Variants in CENPM observed in about 807,000 individuals in gnomAD.
CENPM encodes the protein centromere protein M, also known as interphase centromere complex protein 39.
Under a neutral mutation model 19.6 loss-of-function variants are expected in CENPM, and 14 were observed. The ratio of observed to expected loss-of-function variants is 0.71; its 90% CI spans 0.47 to 1.11. The LOEUF is 1.11. CENPM is among the 50% of genes most tolerant of loss of function. CENPM has a pLI of 0.00. For missense variants in CENPM, 239 were observed against 228.4 expected (o/e 1.05, Z -0.30); for synonymous variants, 114 against 101.5 (o/e 1.12, Z -0.74).
At chr22:41,940,337 C>T in intron 5 of CENPM, 1 of 582,896 alleles carries the variant, frequency 1.7e-6, no homozygotes, top group Admixed American at 2.9e-5. Flanking sequence ...CTCCACTTTC[C>T]AGCACGTCAT....
the CENPM span, among the ~76,000 whole-genome samples, chr22:41,930,611 C>G: frequency 6.6e-6 from 1 of 151,446 alleles, no homozygotes. Context: ...ACCCAACTCC[C>G]AGGTTCAAGC....
chr22:41,931,056 G>A, the CENPM span, among the ~76,000 whole-genome samples: 1 of 147,784 alleles, frequency 6.8e-6, no homozygotes, highest in African/African-American at 2.5e-5. Context: ...GGCTGGTCTC[G>A]AACTCCTGGT....
At chr22:41,935,079 T>C (rs2077678193), downstream of CENPM, among the ~76,000 whole-genome samples, 1 of 152,194 alleles carries the variant, frequency 6.6e-6, no homozygotes, top group South Asian at 2.1e-4. Flanking sequence ...CCCCCAACTC[T>C]AGAGGGGAGG....
At chr22:41,936,057 G>A (rs1377353177), downstream of CENPM, among the ~76,000 whole-genome samples, 2 of 152,020 alleles carry the variant, frequency 1.3e-5, no homozygotes, top group Admixed American at 6.6e-5. Flanking sequence ...TTTAGTAAAG[G>A]CGGGGTTTCA....
At chr22:41,945,519 T>C in intron 3 of CENPM, 2 of 923,514 alleles carry the variant, frequency 2.2e-6, no homozygotes, top group Non-Finnish European at 3.1e-6. Context: ...AGCGCGATCT[T>C]GGCTCACTGC....
intron 4 of CENPM, chr22:41,944,506 AC>A (rs2077777400): frequency 3.9e-6 from 1 of 256,084 alleles, no homozygotes; most frequent in Non-Finnish European, 6.1e-6. Flanking sequence ...TGGCTCTACC[AC>A]TTTTCATCTA....
chr22:41,939,797 A>G (rs2077711524), intron 5 of CENPM, among the ~76,000 whole-genome samples: 1 of 38,856 alleles, frequency 2.6e-5, no homozygotes, highest in East Asian at 6.3e-4. Context: ...AAAAAGAAAG[A>G]AAAAGAAAGA....
At chr22:41,944,162 G>A (rs1165405967) in intron 4 of CENPM, 6 of 985,170 alleles carry the variant, frequency 6.1e-6, no homozygotes, top group Admixed American at 6.2e-5. Flanking sequence ...AAAAGAGGAC[G>A]GCCGGGTGCG....
chr22:41,943,801 C>T (rs1467418416), intron 4 of CENPM, 100 bp from the exon 5 acceptor site: 6 of 1,012,778 alleles, frequency 5.9e-6, no homozygotes, highest in Non-Finnish European at 8.7e-6. Flanking sequence ...CTCTGGGGCT[C>T]AGTTTCTTTC....
chr22:41,928,982 G>A, the CENPM span, among the ~76,000 whole-genome samples: 2 of 152,086 alleles, frequency 1.3e-5, no homozygotes, highest in Non-Finnish European at 2.9e-5. The surrounding 1 kb of genome is among the most constrained non-coding windows in gnomAD (Gnocchi z 4.0). Flanking sequence ...ACTGGTGGGC[G>A]CTGGCCCACC....
chr22:41,934,376 C>T (rs1437309446), downstream of CENPM, among the ~76,000 whole-genome samples: 2 of 152,206 alleles, frequency 1.3e-5, no homozygotes, highest in African/African-American at 4.8e-5. Flanking sequence ...GTAAGCTCTA[C>T]TCCTCTAAGA....
At chr22:41,928,415 G>A in the CENPM span, among the ~76,000 whole-genome samples, 1 of 152,302 alleles carries the variant, frequency 6.6e-6, no homozygotes, top group Non-Finnish European at 1.5e-5. The surrounding 1 kb of genome is among the most constrained non-coding windows in gnomAD (Gnocchi z 4.0). Context: ...CCTCCCCAGG[G>A]CCAGGGCTGG....
the CENPM span, among the ~76,000 whole-genome samples, chr22:41,932,607 C>T: frequency 6.6e-6 from 1 of 152,246 alleles, no homozygotes; most frequent in Non-Finnish European, 1.5e-5. The surrounding 1 kb of genome is among the most constrained non-coding windows in gnomAD (Gnocchi z 4.3). Context: ...GCACCCCAGC[C>T]ACTCTCAGCA....
intron 2 of CENPM, 191 bp downstream of exon 2, chr22:41,946,224 GCT>G (rs1569428707): frequency 4.6e-6 from 3 of 647,722 alleles, no homozygotes; most frequent in African/African-American, 3.7e-5. Context: ...CCAGAAACGG[GCT>G]CTGTTTAGTC....
chr22:41,940,743 T>C (rs914442644), intron 5 of CENPM, among the ~76,000 whole-genome samples: 10 of 152,162 alleles, frequency 6.6e-5, no homozygotes, highest in Non-Finnish European at 1.5e-4. Flanking sequence ...CAGTGGTCGG[T>C]ACCACAGAAA....
At chr22:41,944,905 A>G (rs2077781226) in intron 4 of CENPM, 1 of 1,148,484 alleles carries the variant, frequency 8.7e-7, no homozygotes, top group Non-Finnish European at 1.1e-6. Flanking sequence ...ATTCCAAAGT[A>G]TGTGTATATG....
At chr22:41,944,737 G>A (rs1349349436) in intron 4 of CENPM, 3 of 985,302 alleles carry the variant, frequency 3.0e-6, no homozygotes, top group African/African-American at 1.7e-5. Flanking sequence ...AGTCACCGGA[G>A]ATGAGACTAG....
downstream of CENPM, among the ~76,000 whole-genome samples, chr22:41,936,367 G>A (rs551214240): frequency 2.0e-5 from 3 of 152,334 alleles, no homozygotes; most frequent in East Asian, 1.9e-4. Context: ...GAAGCATGAC[G>A]TGCCTGCAAA....
the CENPM span, among the ~76,000 whole-genome samples, chr22:41,927,533 GA>G: frequency 1.7e-5 from 1 of 60,052 alleles, no homozygotes; most frequent in Non-Finnish European, 3.6e-5. Flanking sequence ...TTTTTTTTTT[GA>G]AAAAGAGTCT....
Sources: allele counts gnomAD v4.1 joint callset (sites outside exome capture counted in the v4.1 genomes callset), GRCh38; gene constraint gnomAD v4.1.1; non-coding constraint Gnocchi (gnomAD v3.1); transcripts MANE v1.5; gene names NCBI Gene and HGNC (gene_info 2026-07-23, HGNC 2026-07-21).